The following FBXO7 variants were observed in gnomAD, a reference collection of about 807,000 sequenced individuals.
The protein encoded by FBXO7 is F-box protein 7.
FBXO7 carries 31 observed loss-of-function variants against 50.2 expected under a neutral mutation model. The ratio of observed to expected loss-of-function variants is 0.62; its 90% confidence interval spans 0.46 to 0.83. FBXO7 has a LOEUF of 0.83. Ranked by LOEUF, FBXO7 falls within the 40% of genes least tolerant of loss-of-function variation. FBXO7 has a pLI of 0.00. For synonymous variants in FBXO7, 256 were observed against 253.1 expected (o/e 1.01, Z -0.11); for missense variants, 667 against 646.6 (o/e 1.03, Z -0.34).
chr22:32,498,559 C>T lies in FBXO7; in HGVS notation c.*29C>T. Reference sequence around the variant, plus strand: ...ATTTGTAATTTCATTTCTGGAGCTCCATTTGTTTTTGTTTCTAAACTACAG... The same window carrying T: ...ATTTGTAATTTCATTTCTGGAGCTCTATTTGTTTTTGTTTCTAAACTACAG... On this transcript the variant is annotated 3_prime_UTR_variant, in exon 9 of 9. Transcript: ENST00000266087. 1 of 1,602,560 alleles carries T rather than the reference C, an allele frequency of 6.2e-7. No individual in the cohort carries two copies. The highest frequency in any genetic ancestry group is 1.7e-4 in the Middle Eastern group (1 of 6,034).
At position 32,491,151 on chromosome 22, in the gene FBXO7, G is replaced by T. The variant is rs2057532539; in HGVS notation, c.937G>T (p.Val313Leu). The change falls in exon 6 of 9, where the codon GTG becomes TTG. Residue 313 changes from valine to leucine, a missense_variant. By Grantham distance (32) the Val-to-Leu change is conservative. Coordinates refer to ENST00000266087, the MANE Select transcript of FBXO7 (RefSeq NM_012179.4). ...KLSRLFKDQL[V>L]YPLLAFTRQA... is the part of the protein sequence containing the mutation. ...CTCTCGCCTCTTTAAAGACCAGCTG[G>T]TGTATCCTCTTCTGGCTTTTACCCG... is the stretch of plus-strand genomic sequence containing the variant. The T allele has an allele frequency of 6.2e-7, 1 of 1,612,732 alleles. No homozygotes were observed. The highest frequency in any genetic ancestry group is 1.3e-5 in the African/African-American group (1 of 74,860).
chr22:32,498,148 A>G lies in FBXO7; in HGVS notation c.1187A>G (p.Tyr396Cys). 1 of 1,614,130 alleles carries G rather than the reference A, an allele frequency of 6.2e-7. No homozygotes were observed. Among genetic ancestry groups the G allele is most frequent in the Non-Finnish European group, 8.5e-7 (1 of 1,179,988 alleles). ...RVQDTDWKEL[Y>C]RKRHIQRKES... is the part of the protein sequence containing the mutation. Reference sequence around the variant, plus strand: ...TTATTTTTCTTTTTTCTACAGCTGTACAGGAAGAGGCACATACAAAGAAAA... The same window carrying G: ...TTATTTTTCTTTTTTCTACAGCTGTGCAGGAAGAGGCACATACAAAGAAAA... Residue 396 changes from tyrosine (Y) to cysteine (C), a missense_variant, in exon 9 of 9, where the codon TAC (tyrosine) becomes TGC (cysteine). Coordinates refer to ENST00000266087, the MANE Select transcript of FBXO7 (RefSeq NM_012179.4).
rs571959198 is a variant in FBXO7 at position 32,487,961 on chromosome 22, G to C, written c.871+133G>C. The C allele has an allele frequency of 4.5e-6, 3 of 661,066 alleles. No homozygotes were observed. The East Asian group carries it at 8.4e-5, about 18-fold the overall frequency. 41.0% of individuals were successfully genotyped at this position (661,066 alleles called of 1,614,324 possible). On this transcript the variant is annotated intron_variant, in intron 5 of 8. Coordinates refer to ENST00000266087, the MANE Select transcript of FBXO7 (RefSeq NM_012179.4). ...AAGCATATTGAAGACAATGTGGTTT[G>C]TTTAAGAATGCAAAGGTTTAAAAAA...
intron 5 of FBXO7, chr22:32,489,179 C>A (rs750982541): frequency 2.6e-5 from 4 of 152,158 alleles, no homozygotes; most frequent in Non-Finnish European, 5.9e-5. Context: ...CCAAAGGAGC[C>A]GTTGGAGATT....
At position 32,474,899 on chromosome 22, in the gene FBXO7, C is replaced by G; in HGVS notation, c.-104C>G. The G allele has an allele frequency of 8.5e-7, 1 of 1,179,172 alleles. No individual in the cohort carries two copies. The highest frequency in any genetic ancestry group is 2.9e-4 in the Middle Eastern group (1 of 3,500). The allele number at this position is 1,179,172 out of a possible 1,614,324, so 73.0% of individuals were successfully genotyped here. A position where few individuals can be genotyped will look rare whatever the true frequency, so the allele number is the denominator to read the frequency against. The stretch of plus-strand genomic sequence containing the variant: ...TCAGCTACCCCTCAGCTCCGGTAGT[C>G]GCCAGTCCGGGGTCGTCGCCGTTTG... On this transcript the variant is annotated 5_prime_UTR_variant, in exon 1 of 9. Coordinates refer to ENST00000266087, the MANE Select transcript of FBXO7 (RefSeq NM_012179.4).
chr22:32,483,056 T>G (rs1007827698), intron 2 of FBXO7, among the ~76,000 whole-genome samples: 1 of 152,224 alleles, frequency 6.6e-6, no homozygotes, highest in Non-Finnish European at 1.5e-5. Context: ...GGACTTTGTA[T>G]GCTAAGGGAT....
intron 8 of FBXO7, among the ~76,000 whole-genome samples, chr22:32,495,946 G>GT (rs1393900746): frequency 1.1e-4 from 17 of 152,212 alleles, no homozygotes; most frequent in African/African-American, 3.6e-4. Flanking sequence ...GCTGCTGCAA[G>GT]TTATCCAGAA....
chr22:32,495,455 A>G, intron 7 of FBXO7, 38 bp from the exon 8 acceptor site: 1 of 1,435,524 alleles, frequency 7.0e-7, no homozygotes, highest in Non-Finnish European at 9.8e-7. Context: ...GACGAATGAA[A>G]TGTTTTTAAA....
chr22:32,475,050 G>A lies in FBXO7; in HGVS notation c.48G>A (p.Val16=), dbSNP rs776121022. ...TGAAGCGGACCTGGCCGCTGGAGGT[G>A]CCCGAGACGGAGCCGACGCTGGGGC... The part of the protein sequence containing the change: ...RLLKRTWPLE[V]PETEPTLGHL... Residue 16 remains valine (V), a synonymous_variant, in exon 1 of 9, where the codon GTG becomes GTA. Coordinates refer to ENST00000266087, the MANE Select transcript of FBXO7 (RefSeq NM_012179.4). 5.8e-6 allele frequency: 9 copies of A among 1,544,708 alleles called. No homozygotes were observed. Among genetic ancestry groups the A allele is most frequent in the Non-Finnish European group, 7.9e-6 (9 of 1,146,046 alleles).
At chr22:32,484,191 A>G in intron 3 of FBXO7, 67 bp downstream of exon 3, 1 of 1,399,770 alleles carries the variant, frequency 7.1e-7, no homozygotes, top group Non-Finnish European at 1.0e-6. Context: ...TCCTGCTCTC[A>G]AGTTGCCCGT....
chr22:32,495,408 T>C, intron 7 of FBXO7, 85 bp from the exon 8 acceptor site: 2 of 875,548 alleles, frequency 2.3e-6, no homozygotes, highest in Non-Finnish European at 1.9e-6. Context: ...AGTTTCACTT[T>C]TCTTAGGAGA....
chr22:32,479,426 TCTCA>T (rs2057450484), intron 2 of FBXO7, 151 bp downstream of exon 2: 1 of 667,196 alleles, frequency 1.5e-6, no homozygotes, highest in Admixed American at 3.1e-5. Flanking sequence ...TGAGACAGAG[TCTCA>T]CTCTGTCACC....
At chr22:32,486,791 A>G (rs538451851) in intron 4 of FBXO7, among the ~76,000 whole-genome samples, 8 of 152,342 alleles carry the variant, frequency 5.3e-5, no homozygotes, top group African/African-American at 1.9e-4. Context: ...GCAGTTCATC[A>G]TAATTAGCAA....
chr22:32,479,755 G>A (rs1403899008), intron 2 of FBXO7, among the ~76,000 whole-genome samples: 1 of 151,988 alleles, frequency 6.6e-6, no homozygotes. Flanking sequence ...ACCAATATGG[G>A]GCTGGCATCC....
intron 4 of FBXO7, among the ~76,000 whole-genome samples, chr22:32,487,116 G>A (rs3788449): frequency 0.63 from 95,949 of 152,124 alleles, 30,443 homozygotes; most frequent in East Asian, 0.69. Context: ...GCAGCCAGCC[G>A]TTCCAGGATT....
In FBXO7 at chr22:32,478,988, A is replaced by T. The variant is rs1409756703; in HGVS notation, c.130A>T (p.Thr44Ser). The T allele has an allele frequency of 6.2e-7, 1 of 1,614,142 alleles. No homozygotes were observed. Among genetic ancestry groups the T allele is most frequent in the South Asian group, 1.1e-5 (1 of 91,088 alleles). Residue 44 changes from threonine (T) to serine (S), a missense_variant, in exon 2 of 9, where the codon ACC becomes TCC. Physicochemically the swap from Thr to Ser is moderately conservative, Grantham distance 58 (BLOSUM62 1). Transcript: ENST00000266087. ...LLCTWGYSSN[T>S]RFTITLNYKD... Reference sequence around the variant, plus strand: ...ATCTGTCTTTCTTGGCAGTTCTAATACCCGATTTACAATTACATTGAACTA... The same window carrying T: ...ATCTGTCTTTCTTGGCAGTTCTAATTCCCGATTTACAATTACATTGAACTA...
intron 8 of FBXO7, 41 bp downstream of exon 8, chr22:32,495,571 G>T: frequency 8.8e-7 from 1 of 1,131,190 alleles, no homozygotes. Context: ...CCATAACACA[G>T]AAATGACTAG....
At chr22:32,475,361 C>T in intron 1 of FBXO7, 2 of 1,609,886 alleles carry the variant, frequency 1.2e-6, no homozygotes, top group African/African-American at 1.3e-5. Flanking sequence ...TCCTGGAGAA[C>T]ATGGCCCGGC....
At chr22:32,495,301 C>A (rs1474128057) in intron 7 of FBXO7, among the ~76,000 whole-genome samples, 192 bp from the exon 8 acceptor site, 1 of 151,972 alleles carries the variant, frequency 6.6e-6, no homozygotes, top group Non-Finnish European at 1.5e-5. Context: ...CACCCTTAAC[C>A]ATCAATAAAG....
Sources: gnomAD v4.1 joint callset for allele counts (sites outside exome capture counted in the v4.1 genomes callset) on GRCh38, gnomAD v4.1.1 for gene constraint, MANE v1.5 for transcripts, NCBI Gene and HGNC (gene_info 2026-07-23, HGNC 2026-07-21) for gene names.